The following TBC1D30 variants were observed in gnomAD, a reference collection of about 807,000 sequenced individuals.
TBC1D30 encodes the protein TBC1 domain family member 30.
TBC1D30 carries 31 observed loss-of-function variants against 63.2 expected under a neutral mutation model. That is an observed-to-expected ratio of 0.49 (90% CI 0.37 to 0.66). The LOEUF (loss-of-function observed/expected upper bound fraction) is 0.66. Ranked by LOEUF, TBC1D30 falls within the 30% of genes least tolerant of loss-of-function variation. The pLI, the probability that TBC1D30 is intolerant of heterozygous loss-of-function variation, is 0.00. For synonymous variants in TBC1D30, 307 were observed against 361.5 expected (o/e 0.85, Z 1.71); for missense variants, 810 against 953.6 (o/e 0.85, Z 1.98).
At chr12:64,871,359 G>A (rs942993549) in intron 11 of TBC1D30, among the ~76,000 whole-genome samples, 12 of 152,176 alleles carry the variant, frequency 7.9e-5, no homozygotes, top group African/African-American at 2.7e-4. Context: ...GGATTGCCAA[G>A]CTTTTTTCTT....
intron 1 of TBC1D30, among the ~76,000 whole-genome samples, chr12:64,827,423 A>G (rs1385998742): frequency 1.3e-5 from 2 of 152,236 alleles, no homozygotes; most frequent in East Asian, 1.9e-4. Context: ...AATAGCCACT[A>G]TACTTCAGCC....
intron 1 of TBC1D30, among the ~76,000 whole-genome samples, chr12:64,763,044 G>C (rs11832586): frequency 0.096 from 14,556 of 151,928 alleles, 2,023 homozygotes; most frequent in African/African-American, 0.31. Flanking sequence ...CAACCTCCAC[G>C]TCCCAGGTTC....
At chr12:64,767,588 G>A (rs1164809408) in intron 1 of TBC1D30, among the ~76,000 whole-genome samples, 1 of 151,958 alleles carries the variant, frequency 6.6e-6, no homozygotes, top group Non-Finnish European at 1.5e-5. Context: ...TTTGCCCCAA[G>A]GTTATGTTAA....
intron 11 of TBC1D30, among the ~76,000 whole-genome samples, chr12:64,872,641 G>A (rs1345281556): frequency 6.6e-6 from 1 of 152,186 alleles, no homozygotes; most frequent in Non-Finnish European, 1.5e-5. Context: ...AAGCCCGTAG[G>A]CACTGCTGGT....
At chr12:64,779,227 C>T (rs183715112), upstream of TBC1D30, 8 of 152,196 alleles carry the variant, frequency 5.3e-5, no homozygotes, top group East Asian at 1.4e-3. Context: ...AGTGTTTACT[C>T]CTCTGAAAGT....
At chr12:64,847,299 G>T (rs1204800642) in intron 8 of TBC1D30, among the ~76,000 whole-genome samples, 1 of 151,914 alleles carries the variant, frequency 6.6e-6, no homozygotes, top group Admixed American at 6.6e-5. Context: ...CTGGCTACAG[G>T]TGTTTCAGTT....
upstream of TBC1D30, among the ~76,000 whole-genome samples, chr12:64,777,294 A>G (rs1478494171): frequency 2.6e-5 from 4 of 152,202 alleles, 1 homozygote; most frequent in Non-Finnish European, 5.9e-5. Context: ...AGGGCATTCA[A>G]ATAGGAAGAG....
intron 2 of TBC1D30, among the ~76,000 whole-genome samples, chr12:64,799,535 A>T (rs982650401): frequency 6.6e-6 from 1 of 152,208 alleles, no homozygotes; most frequent in Admixed American, 6.5e-5. Context: ...GAAATTGATG[A>T]GATGGGTTAT....
rs528230691 is a variant in TBC1D30 at position 64,763,630 on chromosome 12, G to T, written c.-376+3981G>T. Among the ~76,000 whole-genome samples, 58 of 137,818 alleles carry T rather than the reference G, an allele frequency of 4.2e-4. 1 individual carries two copies. The highest frequency in any genetic ancestry group is 2.0e-3 in the South Asian group (9 of 4,408). 90.4% of individuals were successfully genotyped at this position (137,818 alleles called of 152,430 possible). ...TATTAATTTTTTTTTTTTTTTTTGA[G>T]ACAGAGTCTTGCTCTGTCACCAGGC... On this transcript the variant is annotated intron_variant, in intron 1 of 13. Coordinates refer to the TBC1D30 transcript ENST00000674237.
chr12:64,786,357 AGTCTCACTCC>A (rs975392521), intron 2 of TBC1D30, among the ~76,000 whole-genome samples: 20 of 152,124 alleles, frequency 1.3e-4, no homozygotes, highest in African/African-American at 4.3e-4. Flanking sequence ...TTTGAAACAG[AGTCTCACTCC>A]GTCACCCAGG....
In TBC1D30 at chr12:64,824,812, C is replaced by A. The variant is rs545206651; in HGVS notation, c.-68C>A. The A allele has an allele frequency of 5.1e-4, 762 of 1,493,288 alleles. 1 individual carries two copies. Among genetic ancestry groups the A allele is most frequent in the Middle Eastern group, 2.6e-3 (11 of 4,216 alleles). The allele number at this position is 1,493,288 out of a possible 1,614,324, so 92.5% of individuals were successfully genotyped here. The stretch of plus-strand genomic sequence containing the variant: ...ACTCACCCAGCTCCGCGAGCTCAGC[C>A]GCTCAGCGAGTGGGGTAGCGGGGAC... On this transcript the variant is annotated 5_prime_UTR_variant, in exon 1 of 12. Transcript: ENST00000539867.
intron 1 of TBC1D30, among the ~76,000 whole-genome samples, chr12:64,763,235 C>T (rs1870583464): frequency 1.3e-5 from 2 of 152,090 alleles, no homozygotes; most frequent in Admixed American, 6.5e-5. Flanking sequence ...GGATTATAGG[C>T]GTGAGTTTTA....
upstream of TBC1D30, among the ~76,000 whole-genome samples, chr12:64,777,532 C>T (rs76496929): frequency 3.9e-5 from 6 of 152,114 alleles, no homozygotes; most frequent in African/African-American, 1.4e-4. Context: ...ATACAATACC[C>T]AGTAATACAG....
chr12:64,781,350 G>GC, intron 1 of TBC1D30: 1 of 1,041,452 alleles, frequency 9.6e-7, no homozygotes, highest in Non-Finnish European at 1.2e-6. Context: ...CGCCGTCTCT[G>GC]CCCGCGCTCC....
upstream of TBC1D30, among the ~76,000 whole-genome samples, chr12:64,820,174 A>G (rs1873805641): frequency 6.6e-6 from 1 of 152,220 alleles, no homozygotes; most frequent in Admixed American, 6.5e-5. Flanking sequence ...CAAAAAAAAT[A>G]GCAGCATTAG....
chr12:64,827,222 G>A (rs777362041), intron 1 of TBC1D30, among the ~76,000 whole-genome samples: 1 of 152,206 alleles, frequency 6.6e-6, no homozygotes, highest in Non-Finnish European at 1.5e-5. Flanking sequence ...GGCTGAGGCA[G>A]GTGGATCACT....
chr12:64,797,028 C>CAAAAAA (rs552416081), intron 2 of TBC1D30, among the ~76,000 whole-genome samples: 2 of 75,138 alleles, frequency 2.7e-5, no homozygotes, highest in African/African-American at 5.3e-5. Context: ...TTCTCCTCTG[C>CAAAAAA]AAAAAAAAAA....
intron 1 of TBC1D30, 143 bp downstream of exon 1, chr12:64,825,176 C>T: frequency 8.0e-7 from 1 of 1,242,832 alleles, no homozygotes; most frequent in African/African-American, 1.5e-5. Context: ...GCGTTGGCAC[C>T]TGCAGGGAGC....
At chr12:64,820,107 G>A (rs905956680), upstream of TBC1D30, among the ~76,000 whole-genome samples, 2 of 152,152 alleles carry the variant, frequency 1.3e-5, no homozygotes, top group African/African-American at 4.8e-5. Context: ...CTTGGTAATT[G>A]TCAGTCCCTG....
Sources: gnomAD v4.1 joint callset for allele counts (sites outside exome capture counted in the v4.1 genomes callset) on GRCh38, gnomAD v4.1.1 for gene constraint, MANE v1.5 for transcripts, NCBI Gene and HGNC (gene_info 2026-07-23, HGNC 2026-07-21) for gene names.